The following PFKFB3 variants were observed in gnomAD, a reference collection of about 807,000 sequenced individuals.
PFKFB3 encodes 6-phosphofructo-2-kinase/fructose-2,6-biphosphatase 3.
Under a neutral mutation model 68.0 loss-of-function variants are expected in PFKFB3, and 33 were observed. The observed-to-expected ratio is 0.49, with a 90% CI of 0.37 to 0.65. PFKFB3 has a LOEUF of 0.65. Among genes scored for constraint, PFKFB3 ranks in the 30% least tolerant of loss-of-function variants. The pLI, the probability that PFKFB3 is intolerant of heterozygous loss-of-function variation, is 0.00. For missense variants in PFKFB3, 586 were observed against 712.2 expected (o/e 0.82, Z 2.02); for synonymous variants, 315 against 288.2 (o/e 1.09, Z -0.94).
intron 1 of PFKFB3, among the ~76,000 whole-genome samples, chr10:6,196,027 T>C (rs1376675418): frequency 2.6e-5 from 4 of 152,132 alleles, no homozygotes; most frequent in African/African-American, 9.7e-5. Flanking sequence ...TCTTTTGCTT[T>C]CATAAGGACA....
chr10:6,316,079 A>G, the PFKFB3 span, among the ~76,000 whole-genome samples: 4 of 152,226 alleles, frequency 2.6e-5, no homozygotes, highest in African/African-American at 9.6e-5. Context: ...GGAAGAGATT[A>G]AAACTGAGTA....
At chr10:6,255,852 G>A (rs111931976), downstream of PFKFB3, among the ~76,000 whole-genome samples, 13 of 152,326 alleles carry the variant, frequency 8.5e-5, no homozygotes, top group African/African-American at 3.1e-4. Flanking sequence ...TGCGGGAGAC[G>A]TGTCACAGCA....
At chr10:6,164,341 G>C (rs1842065361) in intron 1 of PFKFB3, among the ~76,000 whole-genome samples, 1 of 152,218 alleles carries the variant, frequency 6.6e-6, no homozygotes, top group Admixed American at 6.5e-5. Flanking sequence ...CAGGGCCTGC[G>C]GTGAATTTGG....
At chr10:6,202,235 G>A (rs147151293), upstream of PFKFB3, among the ~76,000 whole-genome samples, 763 of 152,296 alleles carry the variant, frequency 5.0e-3, 6 homozygotes, top group African/African-American at 0.015. Flanking sequence ...CCAGCACCGC[G>A]GGCCTCTCAA....
chr10:6,155,575 C>A (rs533891879), intron 1 of PFKFB3, among the ~76,000 whole-genome samples: 25 of 152,226 alleles, frequency 1.6e-4, no homozygotes, highest in African/African-American at 6.0e-4. Flanking sequence ...GTCCTTCCTC[C>A]GTTTCCATAA....
the PFKFB3 span, among the ~76,000 whole-genome samples, chr10:6,286,168 A>G: frequency 1.4e-4 from 22 of 151,856 alleles, no homozygotes; most frequent in Admixed American, 5.9e-4. Flanking sequence ...TAGTAGAGGC[A>G]GGGTTTCACT....
At chr10:6,248,628 CAAA>C (rs1215741346) in intron 14 of PFKFB3, among the ~76,000 whole-genome samples, 1,059 of 71,820 alleles carry the variant, frequency 0.015, 11 homozygotes, top group African/African-American at 0.051. Flanking sequence ...GACTCCATCT[CAAA>C]AAAAAAAAAA....
chr10:6,226,911 C>T lies in PFKFB3; in HGVS notation c.1515+546C>T, dbSNP rs1845397984. Among the ~76,000 whole-genome samples, 3 of 152,100 alleles carry T rather than the reference C, an allele frequency of 2.0e-5. No homozygotes were observed. The South Asian group carries it at 6.2e-4, about 32-fold the overall frequency. ...GACCAGCCTGGCCAACATGGCGAAA[C>T]CCTGTCTTTACTAAAAATACAGAAA... is the stretch of plus-strand genomic sequence containing the variant. On this transcript the variant is annotated intron_variant, in intron 14 of 14. Coordinates refer to ENST00000379775, the MANE Select transcript of PFKFB3 (RefSeq NM_004566.4).
At chr10:6,298,829 T>C in the PFKFB3 span, among the ~76,000 whole-genome samples, 2 of 152,200 alleles carry the variant, frequency 1.3e-5, no homozygotes, top group Non-Finnish European at 2.9e-5. Context: ...ACCGGATCTG[T>C]TGGTGCGGAA....
the PFKFB3 span, among the ~76,000 whole-genome samples, chr10:6,279,513 T>C: frequency 4.6e-5 from 7 of 151,854 alleles, no homozygotes; most frequent in Non-Finnish European, 1.0e-4. Context: ...GGTTCTTTGG[T>C]TGATGTATGA....
chr10:6,159,542 A>T (rs1588395646), intron 1 of PFKFB3, among the ~76,000 whole-genome samples: 2 of 151,842 alleles, frequency 1.3e-5, no homozygotes, highest in African/African-American at 4.8e-5. Flanking sequence ...ATACAAAAAA[A>T]TTAGCTGGGT....
chr10:6,151,633 G>T (rs1185927555), intron 1 of PFKFB3, among the ~76,000 whole-genome samples: 1 of 152,166 alleles, frequency 6.6e-6, no homozygotes, highest in African/African-American at 2.4e-5. Flanking sequence ...TGAGGCTGCT[G>T]AAGTCGTCCC....
Position 6,203,041 on chromosome 10 carries a change from A to AT in PFKFB3, c.-219dup. 1 of 1,377,496 alleles carries AT rather than the reference A, an allele frequency of 7.3e-7. No individual in the cohort carries two copies. The highest frequency in any genetic ancestry group is 9.3e-7 in the Non-Finnish European group (1 of 1,070,496). 85.3% of individuals were successfully genotyped at this position (1,377,496 alleles called of 1,614,324 possible). ...AGCGGACGAGCCGGCCGTGCCGGGC[A>AT]TCCCCAGCCTCGCTACCCTCGCAGC... On this transcript the variant is annotated 5_prime_UTR_variant, in exon 1 of 15. Transcript: ENST00000379775.
the PFKFB3 span, among the ~76,000 whole-genome samples, chr10:6,269,045 AGTT>A: frequency 7.0e-6 from 1 of 141,900 alleles, no homozygotes; most frequent in African/African-American, 2.5e-5. Context: ...AAAAAAAAAA[AGTT>A]AAAGATTTTT....
At position 6,221,633 on chromosome 10, in the gene PFKFB3, C is replaced by A; in HGVS notation, c.979-8C>A. On this transcript the variant is annotated splice_region_variant and splice_polypyrimidine_tract_variant and intron_variant, in intron 9 of 14. Transcript: ENST00000379775. ...TTGTTCCCCTGAGTGACCACTGGGT[C>A]CCCGCAGGGCGTCTGTGAGGAGCTG... 6.2e-7 allele frequency: 1 copy of A among 1,609,342 alleles called. No homozygotes were observed. Among genetic ancestry groups the A allele is most frequent in the Non-Finnish European group, 8.5e-7 (1 of 1,177,900 alleles).
chr10:6,159,633 G>A (rs1193616589), intron 1 of PFKFB3, among the ~76,000 whole-genome samples: 6 of 150,944 alleles, frequency 4.0e-5, no homozygotes, highest in Non-Finnish European at 5.9e-5. Context: ...AGGAGGTTGC[G>A]GTGAGCCGAG....
the PFKFB3 span, among the ~76,000 whole-genome samples, chr10:6,318,027 CTA>C: frequency 2.0e-5 from 3 of 152,206 alleles, no homozygotes; most frequent in East Asian, 5.8e-4. Context: ...GTTCAGAAAA[CTA>C]TACATACATA....
intron 1 of PFKFB3, among the ~76,000 whole-genome samples, chr10:6,171,567 AT>A (rs1842313536): frequency 6.6e-6 from 1 of 151,594 alleles, no homozygotes; most frequent in Non-Finnish European, 1.5e-5. Flanking sequence ...GGCTAATTTT[AT>A]TTTTTGTAGA....
At chr10:6,250,015 A>G (rs769190074) in intron 14 of PFKFB3, among the ~76,000 whole-genome samples, 13 of 152,164 alleles carry the variant, frequency 8.5e-5, no homozygotes, top group Non-Finnish European at 1.5e-4. Flanking sequence ...TTTGTTCCTG[A>G]TGCTGCATTC....
Sources: gnomAD v4.1 joint callset for allele counts (sites outside exome capture counted in the v4.1 genomes callset) on GRCh38, gnomAD v4.1.1 for gene constraint, MANE v1.5 for transcripts, NCBI Gene and HGNC (gene_info 2026-07-23, HGNC 2026-07-21) for gene names.